Variants in LCLAT1 observed in about 807,000 individuals in gnomAD.
LCLAT1 encodes the protein 1-AGP acyltransferase 8.
Under a neutral mutation model 30.7 loss-of-function variants are expected in LCLAT1, and 11 were observed. The observed-to-expected ratio is 0.36, with a 90% CI of 0.23 to 0.59. The LOEUF is 0.59. Among genes scored for constraint, LCLAT1 ranks in the 20% least tolerant of loss-of-function variants. LCLAT1 has a pLI of 0.77. For missense variants in LCLAT1, 402 were observed against 458.6 expected, an observed-to-expected ratio of 0.88 and a Z score of 1.13; for synonymous variants, 155 against 151.3, an observed-to-expected ratio of 1.02 and a Z score of -0.18.
At chr2:30,565,741 T>G (rs1358995507) in intron 4 of LCLAT1, among the ~76,000 whole-genome samples, 1 of 152,174 alleles carries the variant, frequency 6.6e-6, no homozygotes, top group Non-Finnish European at 1.5e-5. Flanking sequence ...TAAAAATATG[T>G]CAGTCATAAG....
Position 30,642,764 on chromosome 2 carries a change from C to G in LCLAT1, c.*2145C>G, listed in dbSNP as rs1439881345. On this transcript the variant is annotated 3_prime_UTR_variant, in exon 6 of 6. Coordinates refer to ENST00000379509, the MANE Select transcript of LCLAT1 (RefSeq NM_001002257.3). ...GTTTAAGATAAAATACAAACTTTAC[C>G]TACCCCAAATTCATAAAGTACATTT... 3.4e-5 allele frequency: 5 copies of G among 145,352 alleles called. No individual in the cohort carries two copies. Among genetic ancestry groups the G allele is most frequent in the African/African-American group, 1.0e-4 (4 of 38,752 alleles). 9.0% of individuals were successfully genotyped at this position (145,352 alleles called of 1,614,324 possible).
At chr2:30,456,181 A>G (rs1681825547) in intron 1 of LCLAT1, among the ~76,000 whole-genome samples, 1 of 152,178 alleles carries the variant, frequency 6.6e-6, no homozygotes, top group Non-Finnish European at 1.5e-5. Context: ...TGTCCTCATT[A>G]CTACTGGGCA....
chr2:30,618,562 T>C (rs1202707517), intron 5 of LCLAT1, among the ~76,000 whole-genome samples: 1 of 152,108 alleles, frequency 6.6e-6, no homozygotes, highest in Non-Finnish European at 1.5e-5. Context: ...TGCGGTCTAC[T>C]TGACAAGGGA....
chr2:30,609,080 A>G (rs1159202591), intron 5 of LCLAT1, among the ~76,000 whole-genome samples: 1 of 151,094 alleles, frequency 6.6e-6, no homozygotes, highest in Non-Finnish European at 1.5e-5. Context: ...GGGTTTCCTC[A>G]TCTATTCATT....
rs1475882363 is a variant in LCLAT1, at chr2:30,640,371, A to G, written c.883A>G (p.Ile295Val). Residue 295 changes from isoleucine (I) to valine (V), a missense_variant, in exon 6 of 6, where the codon ATT (isoleucine) becomes GTT (valine). By Grantham distance (29) the Ile-to-Val change is conservative (BLOSUM62 3). Coordinates refer to ENST00000379509, the MANE Select transcript of LCLAT1 (RefSeq NM_001002257.3). ...TTTTTATTTTACCGGACAGAGTGTC[A>G]TTCCACCTTGCAAGTCTGAACTCAG... ...KNFYFTGQSV[I>V]PPCKSELRVL... 2.5e-6 allele frequency: 4 copies of G among 1,614,108 alleles called. No homozygotes were observed. In the African/African-American group the frequency reaches 5.3e-5, roughly 22 times the overall value.
intron 5 of LCLAT1, among the ~76,000 whole-genome samples, chr2:30,617,526 C>T (rs12469745): frequency 0.13 from 19,799 of 152,120 alleles, 1,396 homozygotes; most frequent in South Asian, 0.23. Flanking sequence ...TTTGTATGGG[C>T]ATATATTTTC....
At chr2:30,580,030 GT>G (rs2148464754) in intron 5 of LCLAT1, among the ~76,000 whole-genome samples, 1 of 152,184 alleles carries the variant, frequency 6.6e-6, no homozygotes, top group African/African-American at 2.4e-5. Context: ...TATACCTCAT[GT>G]TTTTTACAAC....
chr2:30,625,275 A>G (rs1292136917), intron 5 of LCLAT1, among the ~76,000 whole-genome samples: 1 of 152,178 alleles, frequency 6.6e-6, no homozygotes, highest in African/African-American at 2.4e-5. Flanking sequence ...ACAAAATACA[A>G]AAGATAAATG....
intron 1 of LCLAT1, among the ~76,000 whole-genome samples, chr2:30,461,770 C>CCTT (rs760622200): frequency 5.8e-4 from 76 of 131,732 alleles, no homozygotes; most frequent in East Asian, 1.4e-3. Context: ...CTAAATTAAA[C>CCTT]TTTTTTTTTT....
At chr2:30,567,404 G>A (rs866387385) in intron 4 of LCLAT1, among the ~76,000 whole-genome samples, 2 of 151,828 alleles carry the variant, frequency 1.3e-5, no homozygotes, top group South Asian at 4.2e-4. Flanking sequence ...ATATAGCCTC[G>A]AAGTGTACTT....
chr2:30,565,815 C>T (rs1417124733), intron 4 of LCLAT1, among the ~76,000 whole-genome samples: 1 of 151,930 alleles, frequency 6.6e-6, no homozygotes, highest in Non-Finnish European at 1.5e-5. Context: ...GTGTAGGGTG[C>T]TGTTTTGTTT....
At chr2:30,488,483 C>T (rs1558470663) in intron 1 of LCLAT1, among the ~76,000 whole-genome samples, 1 of 152,242 alleles carries the variant, frequency 6.6e-6, no homozygotes, top group Non-Finnish European at 1.5e-5. Flanking sequence ...TGCCTGATGG[C>T]ACTGACCTTG....
intron 3 of LCLAT1, among the ~76,000 whole-genome samples, chr2:30,553,200 C>T (rs1664757704): frequency 6.6e-6 from 1 of 152,044 alleles, no homozygotes; most frequent in South Asian, 2.1e-4. Flanking sequence ...ATTAAGAATG[C>T]ATAATGCCAA....
At chr2:30,618,967 A>G (rs1361440243) in intron 5 of LCLAT1, among the ~76,000 whole-genome samples, 3 of 150,758 alleles carry the variant, frequency 2.0e-5, no homozygotes, top group African/African-American at 5.0e-5. Flanking sequence ...AACAAGTGCT[A>G]TCATGTAGAT....
rs192346309 is a variant in LCLAT1, at chr2:30,637,202, G to T, written c.629-2915G>T. On this transcript the variant is annotated intron_variant, in intron 5 of 5. Transcript: ENST00000379509. ...CAAGGATTATGGTTGTGGTTGGCGG[G>T]CAGAAATGAATGGCCTCTGAGGTCT... Among the ~76,000 whole-genome samples, 12 of 152,266 alleles carry T rather than the reference G, an allele frequency of 7.9e-5. 1 individual carries two copies. The highest frequency in any genetic ancestry group is 2.9e-4 in the African/African-American group (12 of 41,568).
intron 5 of LCLAT1, among the ~76,000 whole-genome samples, chr2:30,634,838 A>G (rs1025203059): frequency 6.6e-6 from 1 of 152,202 alleles, no homozygotes; most frequent in African/African-American, 2.4e-5. Flanking sequence ...ACTTTTGACT[A>G]TCCATTTCAT....
intron 5 of LCLAT1, among the ~76,000 whole-genome samples, chr2:30,619,664 T>C (rs573782704): frequency 1.8e-4 from 28 of 152,314 alleles, no homozygotes; most frequent in African/African-American, 6.5e-4. Context: ...TAAATAACTT[T>C]GTCATTAATA....
At position 30,454,752 on chromosome 2, in the gene LCLAT1, G is replaced by T. The variant is rs2077985; in HGVS notation, c.-5+7369G>T. On this transcript the variant is annotated intron_variant, in intron 1 of 5. Coordinates refer to ENST00000379509, the MANE Select transcript of LCLAT1 (RefSeq NM_001002257.3). ...GCGTGAGCCACTGCACGTGGCCCTAGGTTGTTTACATTTTTAACATGGTGA... is the reference window on the plus strand; with the variant it reads ...GCGTGAGCCACTGCACGTGGCCCTATGTTGTTTACATTTTTAACATGGTGA... Among the ~76,000 whole-genome samples, 4 of 151,858 alleles carry T rather than the reference G, an allele frequency of 2.6e-5. No homozygotes were observed. In the East Asian group the frequency reaches 7.7e-4, roughly 29 times the overall value.
chr2:30,541,942 T>G (rs2123753), intron 3 of LCLAT1, among the ~76,000 whole-genome samples: 133,650 of 152,094 alleles, frequency 0.88, 59,149 homozygotes, highest in African/African-American at 0.97. Flanking sequence ...AACTTACTGT[T>G]GTTTCAATTT....
Sources: gnomAD v4.1 joint callset for allele counts (sites outside exome capture counted in the v4.1 genomes callset) on GRCh38, gnomAD v4.1.1 for gene constraint, MANE v1.5 for transcripts, NCBI Gene and HGNC (gene_info 2026-07-23, HGNC 2026-07-21) for gene names.